SRSF12: variants seen among roughly 807,000 people sequenced by gnomAD.
SRSF12 encodes serine/arginine-rich splicing factor 12.
SRSF12 carries 21 observed loss-of-function variants against 34.1 expected under a neutral mutation model. The ratio of observed to expected loss-of-function variants is 0.62; its 90% CI spans 0.44 to 0.89. The LOEUF (loss-of-function observed/expected upper bound fraction) is 0.89. SRSF12 is among the 40% of genes least tolerant of loss of function. The probability of loss-of-function intolerance (pLI) is 0.00; values close to 1 mark genes in which losing one functional copy is unlikely to be tolerated. For missense variants in SRSF12, 278 were observed against 327.8 expected, an observed-to-expected ratio of 0.85 and a Z score of 1.17; for synonymous variants, 111 against 110.8, an observed-to-expected ratio of 1.00 and a Z score of -0.01.
At chr6:89,099,247 T>A (rs1768397114) in intron 4 of SRSF12, among the ~76,000 whole-genome samples, 1 of 151,520 alleles carries the variant, frequency 6.6e-6, no homozygotes, top group Non-Finnish European at 1.5e-5. Context: ...GGTACAAAAA[T>A]CTGAAGAAAA....
intron 4 of SRSF12, among the ~76,000 whole-genome samples, chr6:89,104,692 T>G (rs1768704764): frequency 6.6e-6 from 1 of 152,180 alleles, no homozygotes; most frequent in African/African-American, 2.4e-5. Context: ...TGTTATCTTT[T>G]AACAAAAATT....
At chr6:89,116,155 C>T (rs1328198477) in intron 1 of SRSF12, among the ~76,000 whole-genome samples, 3 of 152,148 alleles carry the variant, frequency 2.0e-5, no homozygotes. Context: ...ATTTGATAGT[C>T]CACACCATCC....
At position 89,117,825 on chromosome 6, in the gene SRSF12, G is replaced by T; in HGVS notation, c.63C>A (p.Thr21=). 6.4e-7 allele frequency: 1 copy of T among 1,557,004 alleles called. No individual in the cohort carries two copies. The highest frequency in any genetic ancestry group is 8.7e-7 in the Non-Finnish European group (1 of 1,154,310). The change falls in exon 1 of 5, where the codon ACC becomes ACA. Residue 21 remains threonine, a splice_region_variant and synonymous_variant. Coordinates refer to ENST00000452027, the MANE Select transcript of SRSF12 (RefSeq NM_080743.5). The part of the protein sequence containing the change: ...SLFIRNVADA[T]RPEDLRREFG... ...AACCTGCAGCCGCGGCCGTTCACCT[G>T]GTGGCGTCCGCGACGTTCCTGATGA...
At chr6:89,101,958 T>C (rs1363776472) in intron 4 of SRSF12, among the ~76,000 whole-genome samples, 1 of 150,982 alleles carries the variant, frequency 6.6e-6, no homozygotes, top group Non-Finnish European at 1.5e-5. Flanking sequence ...ATGTGTACTA[T>C]AAGAAATACT....
At chr6:89,103,091 C>T (rs1224063111) in intron 4 of SRSF12, among the ~76,000 whole-genome samples, 1 of 152,056 alleles carries the variant, frequency 6.6e-6, no homozygotes, top group Admixed American at 6.6e-5. Context: ...ATGAGAAAAA[C>T]TGGTGTCAGG....
At chr6:89,109,502 T>G (rs909048818) in intron 1 of SRSF12, among the ~76,000 whole-genome samples, 10 of 152,202 alleles carry the variant, frequency 6.6e-5, no homozygotes, top group African/African-American at 2.4e-4. Context: ...AGGATTCAAA[T>G]GAAGGTCTTC....
At position 89,105,233 on chromosome 6, in the gene SRSF12, C is replaced by T. The variant is rs545538419; in HGVS notation, c.302G>A (p.Arg101His). The T allele has an allele frequency of 7.4e-6, 12 of 1,610,950 alleles. No individual in the cohort carries two copies. Among genetic ancestry groups the T allele is most frequent in the East Asian group, 6.7e-5 (3 of 44,782 alleles). ...KTPGQMKSKE[R>H]HPCSPSDHRR... ...GTGATCACTTGGAGAACAAGGATGA[C>T]GTTCTTTTGATTTCATTTGGCCTGG... Residue 101 changes from arginine to histidine, a missense_variant, in exon 4 of 5, where the codon CGT (arginine) becomes CAT (histidine). Coordinates refer to ENST00000452027, the MANE Select transcript of SRSF12 (RefSeq NM_080743.5).
In SRSF12 at chr6:89,098,706, T is replaced by C; in HGVS notation, c.658A>G (p.Ile220Val). ...SRSHGRHSDS[I>V]ARSPCKSPKG... ...GGAGATTTACACGGGGATCTTGCTA[T>C]TGAGTCAGAATGTCTTCCATGTGAT... The change falls in exon 5 of 5, where the codon ATA becomes GTA. Residue 220 changes from isoleucine to valine, a missense_variant. Ile to Val is a conservative substitution (Grantham distance 29). Coordinates refer to ENST00000452027, the MANE Select transcript of SRSF12 (RefSeq NM_080743.5). 6.2e-7 allele frequency: 1 copy of C among 1,613,996 alleles called. No individual in the cohort carries two copies. The highest frequency in any genetic ancestry group is 8.5e-7 in the Non-Finnish European group (1 of 1,179,886).
At chr6:89,102,204 G>C (rs939117880) in intron 4 of SRSF12, among the ~76,000 whole-genome samples, 1 of 151,814 alleles carries the variant, frequency 6.6e-6, no homozygotes, top group Non-Finnish European at 1.5e-5. Flanking sequence ...AGTGCAGTGG[G>C]GCGAGCTTGG....
Position 89,107,241 on chromosome 6 carries a change from C to A in SRSF12, c.83G>T (p.Arg28Leu), listed in dbSNP as rs768920484. 1.1e-5 allele frequency: 18 copies of A among 1,613,754 alleles called. No homozygotes were observed. The Admixed American group carries it at 2.8e-4, about 25-fold the overall frequency. Residue 28 changes from arginine to leucine, a missense_variant, in exon 2 of 5, where the codon CGT becomes CTT. Physicochemically the swap from Arg to Leu is moderately radical, Grantham distance 102. Transcript: ENST00000452027. ...TATAGGGCCATATCGACCAAACTCA[C>A]GGCGCAAGTCCTCAGGCCTGAAGTG... The part of the protein sequence containing the change: ...ADATRPEDLR[R>L]EFGRYGPIVD...
chr6:89,098,373 T>C lies in SRSF12; in HGVS notation c.*205A>G, dbSNP rs949830925. Reference sequence around the variant, plus strand: ...AAAATGGTCCATAAAATGGTGACATTAGACAAATCATAATTTGTAGTGTGG... The same window carrying C: ...AAAATGGTCCATAAAATGGTGACATCAGACAAATCATAATTTGTAGTGTGG... On this transcript the variant is annotated 3_prime_UTR_variant, in exon 5 of 5. Coordinates refer to ENST00000452027, the MANE Select transcript of SRSF12 (RefSeq NM_080743.5). 5 of 531,246 alleles carry C rather than the reference T, an allele frequency of 9.4e-6. No homozygotes were observed. Among genetic ancestry groups the C allele is most frequent in the Non-Finnish European group, 1.5e-5 (5 of 325,968 alleles). The allele number at this position is 531,246 out of a possible 1,614,324, so 32.9% of individuals were successfully genotyped here.
intron 1 of SRSF12, among the ~76,000 whole-genome samples, chr6:89,108,035 ATTAT>A (rs1292100902): frequency 4.6e-5 from 7 of 152,222 alleles, no homozygotes; most frequent in South Asian, 4.1e-4. Context: ...AAGTCCTAAA[ATTAT>A]TTATCAGGCT....
chr6:89,102,821 G>A (rs1768599224), intron 4 of SRSF12, among the ~76,000 whole-genome samples: 1 of 152,096 alleles, frequency 6.6e-6, no homozygotes, highest in South Asian at 2.1e-4. Context: ...GTGCAATCAT[G>A]GCTCACTGCA....
rs988448644 is a variant in SRSF12 at position 89,115,541 on chromosome 6, T to G, written c.65+2282A>C. On this transcript the variant is annotated intron_variant, in intron 1 of 4. Coordinates refer to ENST00000452027, the MANE Select transcript of SRSF12 (RefSeq NM_080743.5). ...AAGTGATCCGCCGAACTCGGTCTCC[T>G]AAAGTGCTGGGATTACAGGCGTGAG... Among the ~76,000 whole-genome samples, 81 of 150,730 alleles carry G rather than the reference T, an allele frequency of 5.4e-4. 1 individual carries two copies. Among genetic ancestry groups the G allele is most frequent in the African/African-American group, 1.9e-3 (79 of 41,088 alleles).
At chr6:89,117,529 C>G (rs1335206892) in intron 1 of SRSF12, among the ~76,000 whole-genome samples, 1 of 152,202 alleles carries the variant, frequency 6.6e-6, no homozygotes, top group African/African-American at 2.4e-5. Flanking sequence ...GAGGGGCGCC[C>G]CGTGTCCCAC....
At chr6:89,110,844 G>A (rs1177548406) in intron 1 of SRSF12, among the ~76,000 whole-genome samples, 1 of 152,160 alleles carries the variant, frequency 6.6e-6, no homozygotes, top group Non-Finnish European at 1.5e-5. Context: ...GCCCAGGCAT[G>A]GTGGCTGATA....
At chr6:89,112,407 G>T (rs1769095557) in intron 1 of SRSF12, among the ~76,000 whole-genome samples, 1 of 149,924 alleles carries the variant, frequency 6.7e-6, no homozygotes, top group African/African-American at 2.5e-5. Context: ...AAGTCCTACT[G>T]TCCAAATTAA....
intron 4 of SRSF12, among the ~76,000 whole-genome samples, chr6:89,103,991 CTTT>C (rs55760020): frequency 2.4e-4 from 20 of 81,940 alleles, no homozygotes; most frequent in South Asian, 5.0e-4. Flanking sequence ...TATTATATTT[CTTT>C]TTTTTTTTTT....
rs189524735 is a variant in SRSF12, at chr6:89,099,479, T to C, written c.417-532A>G. Among the ~76,000 whole-genome samples, 880 of 146,722 alleles carry C rather than the reference T, an allele frequency of 6.0e-3. 10 individuals carry two copies. The highest frequency in any genetic ancestry group is 0.048 in the East Asian group (243 of 5,054). On this transcript the variant is annotated intron_variant, in intron 4 of 4. Transcript: ENST00000452027. ...GTGTATATATGTGTGTGTATATATA[T>C]ATGTGTGTGTATATATATATGTGTG...
Sources: allele counts gnomAD v4.1 joint callset (sites outside exome capture counted in the v4.1 genomes callset), GRCh38; gene constraint gnomAD v4.1.1; transcripts MANE v1.5; gene names NCBI Gene and HGNC (gene_info 2026-07-23, HGNC 2026-07-21).